E4F1: variants seen among roughly 807,000 people sequenced by gnomAD.
E4F1 encodes the protein E4F transcription factor 1.
A neutral mutation model predicts 72.9 loss-of-function variants in E4F1; 30 were observed. That is an observed-to-expected ratio of 0.41 (90% CI 0.31 to 0.56). The LOEUF is 0.56. E4F1 is among the 20% of genes least tolerant of loss of function. The probability of loss-of-function intolerance (pLI) is 0.25; values close to 1 mark genes in which losing one functional copy is unlikely to be tolerated. For synonymous variants in E4F1, 542 were observed against 478.2 expected (o/e 1.13, Z -1.74); for missense variants, 1,091 against 1,117.5 (o/e 0.98, Z 0.34).
intron 4 of E4F1, 40 bp from the exon 5 acceptor site, chr16:2,232,416 C>G (rs771047849): frequency 5.6e-6 from 9 of 1,603,398 alleles, no homozygotes; most frequent in Middle Eastern, 1.7e-4. Context: ...CCCTCCTGTT[C>G]CCCCAGGAGG....
rs776564209 is a variant in E4F1, at chr16:2,232,554, C to T, written c.708C>T (p.Ile236=). 37 of 1,612,212 alleles carry T rather than the reference C, an allele frequency of 2.3e-5. No individual in the cohort carries two copies. Among genetic ancestry groups the T allele is most frequent in the Non-Finnish European group, 3.1e-5 (36 of 1,179,736 alleles). Residue 236 remains isoleucine (I), a synonymous_variant, in exon 5 of 14, where the codon ATC becomes ATT. Transcript: ENST00000301727. ...CCTTCCGCACCAAGGGCTCACTCAT[C>T]CGGCACCACCGGCGGCACACGGGTG... ...GASFRTKGSL[I]RHHRRHTDER... is the part of the protein sequence containing the mutation.
At chr16:2,235,179 C>T (rs1324110529) in intron 13 of E4F1, 36 bp downstream of exon 13, 2 of 1,610,462 alleles carry the variant, frequency 1.2e-6, no homozygotes, top group African/African-American at 1.3e-5. Context: ...GGGAGGCTCC[C>T]TGGCACAGCC....
chr16:2,233,669 G>A (rs536922221), intron 8 of E4F1, 22 bp downstream of exon 8: 73 of 1,524,868 alleles, frequency 4.8e-5, no homozygotes, highest in African/African-American at 1.4e-4. Context: ...CACCACCTGC[G>A]GGCTCCTCCC....
rs778942051 is a variant in E4F1 at position 2,233,879 on chromosome 16, C to T, written c.1267-3C>T. 6.3e-7 allele frequency: 1 copy of T among 1,585,432 alleles called. No individual in the cohort carries two copies. The highest frequency in any genetic ancestry group is 1.1e-5 in the South Asian group (1 of 87,286). ...TGCTGGAGACCTTCCTGTGGTTCCC[C>T]AGCAGGTGGCCAGCGAGGCCTCAGC... On this transcript the variant is annotated splice_region_variant and splice_polypyrimidine_tract_variant and intron_variant, in intron 8 of 13. Transcript: ENST00000301727.
rs901677023 is a variant in E4F1 at position 2,234,295 on chromosome 16, C to T, written c.1500C>T (p.Tyr500=). 16 of 1,613,014 alleles carry T rather than the reference C, an allele frequency of 9.9e-6. No individual in the cohort carries two copies. Among genetic ancestry groups the T allele is most frequent in the South Asian group, 2.2e-5 (2 of 91,092 alleles). The change falls in exon 10 of 14, where the codon TAC becomes TAT. Residue 500 remains tyrosine (Y), a synonymous_variant. Coordinates refer to ENST00000301727, the MANE Select transcript of E4F1 (RefSeq NM_004424.5). ...GCTGTGGCGACTGCGGGAAGCTCTACAAGACCATTGCCCATGTGCGTGGCC... is the reference window on the plus strand; with the variant it reads ...GCTGTGGCGACTGCGGGAAGCTCTATAAGACCATTGCCCATGTGCGTGGCC... ...RFRCGDCGKL[Y]KTIAHVRGHR...
chr16:2,235,567 G>C lies in E4F1; in HGVS notation c.2350G>C (p.Val784Leu), dbSNP rs542965861. The C allele has an allele frequency of 1.3e-6, 2 of 1,592,486 alleles. No homozygotes were observed. Among genetic ancestry groups the C allele is most frequent in the Non-Finnish European group, 1.7e-6 (2 of 1,166,890 alleles). ...EGQLEVQTVIV is the reference protein window; with the variant it reads ...EGQLEVQTVIL ...CCAGCTGGAGGTGCAGACGGTCATC[G>C]TCTAGCATGAGGTCTGCGGGGTCCT... is the stretch of plus-strand genomic sequence containing the variant. Residue 784 changes from valine (V) to leucine (L), a missense_variant, in exon 14 of 14, where the codon GTC becomes CTC. Around this residue, in one of 5 missense-constraint regions of E4F1, gnomAD observed 622 missense variants for 628.0 expected, o/e 0.99. Coordinates refer to ENST00000301727, the MANE Select transcript of E4F1 (RefSeq NM_004424.5).
Position 2,234,611 on chromosome 16 carries a change from A to C in E4F1, c.1622A>C (p.His541Pro), listed in dbSNP as rs1342199487. 1 of 1,599,990 alleles carries C rather than the reference A, an allele frequency of 6.3e-7. No individual in the cohort carries two copies. Among genetic ancestry groups the C allele is most frequent in the African/African-American group, 1.3e-5 (1 of 74,828 alleles). Residue 541 changes from histidine to proline, a missense_variant, in exon 11 of 14, where the codon CAC (histidine) becomes CCC (proline). By Grantham distance (77) the His-to-Pro change is moderately conservative. Transcript: ENST00000301727. Reference protein sequence around the residue: ...KNAQQVHFRTHLEEKPHVCQF... With the variant: ...KNAQQVHFRTPLEEKPHVCQF... ...GCACAGCAGGTGCACTTCAGGACAC[A>C]CCTGGAGGAGAAGCCGCACGTGTGC...
At position 2,235,278 on chromosome 16, in the gene E4F1, G is replaced by A. The variant is rs757801476; in HGVS notation, c.2061G>A (p.Gln687=). The A allele has an allele frequency of 2.5e-6, 4 of 1,611,366 alleles. No individual in the cohort carries two copies. Among genetic ancestry groups the A allele is most frequent in the Admixed American group, 1.7e-5 (1 of 60,028 alleles). ...QIVHQASAGH[Q]IIVQNVTMDE... is the part of the protein sequence containing the mutation. Reference sequence around the variant, plus strand: ...TGCACCAGGCTAGCGCCGGCCACCAGATCATCGTGCAGAACGTCACCATGG... The same window carrying A: ...TGCACCAGGCTAGCGCCGGCCACCAAATCATCGTGCAGAACGTCACCATGG... Residue 687 remains glutamine (Q), a synonymous_variant, in exon 14 of 14, where the codon CAG becomes CAA. Coordinates refer to ENST00000301727, the MANE Select transcript of E4F1 (RefSeq NM_004424.5).
intron 1 of E4F1, among the ~76,000 whole-genome samples, chr16:2,227,381 G>GT (rs1160417343): frequency 6.6e-5 from 10 of 151,078 alleles, no homozygotes; most frequent in East Asian, 1.9e-4. Flanking sequence ...GGCTAATATT[G>GT]TTTTTTTTGA....
In E4F1 at chr16:2,228,358, C is replaced by T. The variant is rs747666310; in HGVS notation, c.158-14C>T. ...CCGCCTTCCCAGGCCCTGCTGACAG[C>T]AGGCTCGTTGCAGATGAGGACGATG... On this transcript the variant is annotated splice_polypyrimidine_tract_variant and intron_variant, in intron 1 of 13. Coordinates refer to ENST00000301727, the MANE Select transcript of E4F1 (RefSeq NM_004424.5). 3.1e-6 allele frequency: 5 copies of T among 1,613,594 alleles called. No homozygotes were observed. In the Admixed American group the frequency reaches 6.7e-5, roughly 22 times the overall value.
intron 1 of E4F1, among the ~76,000 whole-genome samples, chr16:2,224,239 G>A (rs762241508): frequency 1.7e-4 from 26 of 152,230 alleles, no homozygotes; most frequent in Non-Finnish European, 2.6e-4. Flanking sequence ...TAGTGCAAGA[G>A]GGCTGGTGCA....
intron 8 of E4F1, 26 bp downstream of exon 8, chr16:2,233,673 TC>T (rs781159338): frequency 1.3e-6 from 2 of 1,524,848 alleles, no homozygotes; most frequent in African/African-American, 2.8e-5. Flanking sequence ...ACCTGCGGGC[TC>T]CTCCCAGGGC....
intron 2 of E4F1, among the ~76,000 whole-genome samples, 179 bp from the exon 3 acceptor site, chr16:2,229,391 G>T (rs377092233): frequency 4.6e-5 from 7 of 152,334 alleles, no homozygotes; most frequent in African/African-American, 1.2e-4. Flanking sequence ...GACTGGGACC[G>T]GTGGTCGTGT....
chr16:2,233,160 GGC>G lies in E4F1; in HGVS notation c.1034_1035del (p.Gly345AspfsTer23). On this transcript the variant is annotated frameshift_variant, in exon 7 of 14. Transcript: ENST00000301727. LOFTEE classifies it high-confidence loss of function. Reference protein sequence around the residue: ...VHVQMQELSLGMKALAPEPPV... With the variant: ...VHVQMQELSLXMKALAPEPPV... ...CGTCCAGATGCAGGAGCTGTCCCTG[GGC>G]ATGAAAGCCCTGGCCCCAGAGGTGG... 1 of 1,608,392 alleles carries G rather than the reference GGC, an allele frequency of 6.2e-7. No homozygotes were observed. Among genetic ancestry groups the G allele is most frequent in the Non-Finnish European group, 8.5e-7 (1 of 1,176,560 alleles).
chr16:2,229,480 A>G, intron 2 of E4F1, 90 bp from the exon 3 acceptor site: 1 of 1,396,288 alleles, frequency 7.2e-7, no homozygotes, highest in African/African-American at 1.4e-5. Flanking sequence ...ACACCTCCAC[A>G]GCTTTACACT....
chr16:2,225,718 C>T (rs775702309), intron 1 of E4F1, among the ~76,000 whole-genome samples: 4 of 150,770 alleles, frequency 2.7e-5, no homozygotes, highest in East Asian at 2.0e-4. Flanking sequence ...GTGATCTGCC[C>T]GCCTCAGCCT....
chr16:2,231,540 A>T (rs965752792), intron 3 of E4F1: 2 of 152,476 alleles, frequency 1.3e-5, no homozygotes, highest in African/African-American at 4.8e-5. Context: ...ATGAGCAGAA[A>T]ACCTGAACTG....
Position 2,232,317 on chromosome 16 carries a change from A to G in E4F1, c.562A>G (p.Lys188Glu). The change falls in exon 4 of 14, where the codon AAG becomes GAG. Residue 188 changes from lysine (K) to glutamate (E), a missense_variant. Around this residue, in one of 5 missense-constraint regions of E4F1, gnomAD observed 362 missense variants for 358.6 expected, o/e 1.01. Transcript: ENST00000301727. ...EQAQVKLLVN[K>E]DGRYVCALCH... ...GGCCCAGGTGAAGCTACTGGTGAAC[A>G]AGGATGGCCGCTATGTGTGTGCGCT... The G allele has an allele frequency of 1.2e-6, 2 of 1,610,150 alleles. No individual in the cohort carries two copies. The highest frequency in any genetic ancestry group is 1.7e-6 in the Non-Finnish European group (2 of 1,178,368).
At position 2,224,043 on chromosome 16, in the gene E4F1, T is replaced by C; in HGVS notation, c.157+273T>C. On this transcript the variant is annotated intron_variant, in intron 1 of 13. Transcript: ENST00000301727. ...AGCCCCCGGGCGCCCGGTGTAGACA[T>C]TCGCAGACGCCGGCGTCCCGGCCCT... 27 of 1,197,284 alleles carry C rather than the reference T, an allele frequency of 2.3e-5. No homozygotes were observed. In the South Asian group the frequency reaches 3.4e-4, roughly 15 times the overall value. 74.2% of individuals were successfully genotyped at this position (1,197,284 alleles called of 1,614,324 possible).
Sources: allele counts gnomAD v4.1 joint callset (sites outside exome capture counted in the v4.1 genomes callset), GRCh38; gene constraint gnomAD v4.1.1; regional missense constraint gnomAD v4.1.1; transcripts MANE v1.5; gene names NCBI Gene and HGNC (gene_info 2026-07-23, HGNC 2026-07-21).